Variants in ESRRG observed in about 807,000 individuals in gnomAD.
The protein encoded by ESRRG is estrogen related receptor gamma, also known as estrogen-related receptor gamma.
Under a neutral mutation model 44.0 loss-of-function variants are expected in ESRRG, and 13 were observed. The ratio of observed to expected loss-of-function variants is 0.30; its 90% CI spans 0.19 to 0.47. The LOEUF (loss-of-function observed/expected upper bound fraction) is 0.47, where lower values mean the gene tolerates loss of function less well. ESRRG is among the 20% of genes least tolerant of loss of function. The pLI, the probability that ESRRG is intolerant of heterozygous loss-of-function variation, is 1.00. For missense variants in ESRRG, 395 were observed against 580.6 expected (o/e 0.68, Z 3.29); for synonymous variants, 215 against 214.6 (o/e 1.00, Z -0.02).
At chr1:217,118,568 T>C (rs1468373223) in intron 1 of ESRRG, among the ~76,000 whole-genome samples, 1 of 152,190 alleles carries the variant, frequency 6.6e-6, no homozygotes. Flanking sequence ...AAAGGGATTA[T>C]ACAATCTTAC....
chr1:216,879,128 A>C (rs1465947391), intron 2 of ESRRG, among the ~76,000 whole-genome samples: 1 of 152,188 alleles, frequency 6.6e-6, no homozygotes, highest in Non-Finnish European at 1.5e-5. Flanking sequence ...GTGAACATAT[A>C]GCTATTGAAA....
intron 2 of ESRRG, among the ~76,000 whole-genome samples, chr1:216,906,020 G>A (rs753789242): frequency 6.6e-6 from 1 of 152,190 alleles, no homozygotes; most frequent in Non-Finnish European, 1.5e-5. Context: ...CAAAGTGCTG[G>A]GATTACAGGC....
chr1:217,060,058 G>A (rs1009543384), intron 1 of ESRRG, among the ~76,000 whole-genome samples: 2 of 151,828 alleles, frequency 1.3e-5, no homozygotes, highest in Non-Finnish European at 1.5e-5. Context: ...AAGGGGTTTT[G>A]GGGGTGGCAA....
intron 1 of ESRRG, among the ~76,000 whole-genome samples, chr1:217,000,069 T>G (rs562808502): frequency 6.6e-6 from 1 of 152,346 alleles, no homozygotes; most frequent in East Asian, 1.9e-4. Context: ...ATTTCATACA[T>G]CTTTGCTTAT....
intron 1 of ESRRG, among the ~76,000 whole-genome samples, chr1:217,041,694 A>G (rs1331545385): frequency 6.6e-6 from 1 of 152,204 alleles, no homozygotes; most frequent in South Asian, 2.1e-4. Flanking sequence ...CAGAGAGTAA[A>G]CAGGCATCTG....
chr1:216,767,800 G>A (rs1453129456), intron 2 of ESRRG, among the ~76,000 whole-genome samples: 4 of 152,112 alleles, frequency 2.6e-5, no homozygotes, highest in Non-Finnish European at 4.4e-5. Flanking sequence ...GAGATGTGGG[G>A]ACAAAATGGG....
At chr1:216,742,089 T>C (rs1479268541) in intron 2 of ESRRG, among the ~76,000 whole-genome samples, 2 of 152,168 alleles carry the variant, frequency 1.3e-5, no homozygotes, top group Non-Finnish European at 2.9e-5. Context: ...CAAACCCTCT[T>C]TCCTGGCAAG....
chr1:216,693,095 C>A (rs1559258870), intron 1 of ESRRG, among the ~76,000 whole-genome samples: 1 of 152,222 alleles, frequency 6.6e-6, no homozygotes, highest in Non-Finnish European at 1.5e-5. Flanking sequence ...AACTTCCTTG[C>A]CCTTGGCAAC....
intron 1 of ESRRG, among the ~76,000 whole-genome samples, chr1:217,084,846 G>A (rs75059875): frequency 0.021 from 3,238 of 152,142 alleles, 66 homozygotes; most frequent in Non-Finnish European, 0.032. Flanking sequence ...TTTTTTGTGT[G>A]TGTGATAACT....
At chr1:216,634,035 A>G (rs1008917512) in intron 3 of ESRRG, among the ~76,000 whole-genome samples, 9 of 152,212 alleles carry the variant, frequency 5.9e-5, no homozygotes, top group African/African-American at 2.2e-4. Flanking sequence ...AACAGAAGGT[A>G]TTAGCCAGCA....
At chr1:216,539,990 A>T (rs930977360) in intron 5 of ESRRG, among the ~76,000 whole-genome samples, 7 of 152,010 alleles carry the variant, frequency 4.6e-5, no homozygotes, top group African/African-American at 7.2e-5. Flanking sequence ...GTGAAAAATT[A>T]AAAAAATCAT....
At chr1:217,074,431 G>T (rs1580415898) in intron 1 of ESRRG, among the ~76,000 whole-genome samples, 1 of 124,478 alleles carries the variant, frequency 8.0e-6, no homozygotes, top group South Asian at 2.9e-4. Context: ...AATACCCACA[G>T]TATCAGAAAT....
At chr1:216,868,556 A>G (rs2096210724) in intron 2 of ESRRG, among the ~76,000 whole-genome samples, 1 of 152,092 alleles carries the variant, frequency 6.6e-6, no homozygotes, top group Non-Finnish European at 1.5e-5. Flanking sequence ...GTGATCATCC[A>G]TTTTTTATTT....
At chr1:216,844,763 A>ATG (rs35416075) in intron 2 of ESRRG, among the ~76,000 whole-genome samples, 5,686 of 150,638 alleles carry the variant, frequency 0.038, 343 homozygotes, top group African/African-American at 0.13. Context: ...GCATTCGTGC[A>ATG]TGTGTGTGTG....
intron 2 of ESRRG, among the ~76,000 whole-genome samples, chr1:216,670,780 C>T (rs1167311954): frequency 1.3e-5 from 2 of 152,102 alleles, no homozygotes; most frequent in Non-Finnish European, 2.9e-5. Flanking sequence ...AGGGTGTCCA[C>T]ACTATGTACA....
chr1:216,573,708 T>A (rs932957944), intron 3 of ESRRG, among the ~76,000 whole-genome samples: 2 of 151,878 alleles, frequency 1.3e-5, no homozygotes, highest in East Asian at 3.9e-4. Context: ...ACTAATAATA[T>A]TATTTAGATT....
At chr1:217,045,815 T>C (rs2084778551) in intron 1 of ESRRG, among the ~76,000 whole-genome samples, 1 of 152,208 alleles carries the variant, frequency 6.6e-6, no homozygotes, top group African/African-American at 2.4e-5. Context: ...CTTGGGCGCT[T>C]TCCCTCAGAG....
intron 1 of ESRRG, among the ~76,000 whole-genome samples, chr1:217,130,534 C>T (rs186541413): frequency 6.6e-6 from 1 of 152,224 alleles, no homozygotes; most frequent in East Asian, 1.9e-4. Flanking sequence ...CTGCACTGGT[C>T]CCGAAATGTC....
At chr1:216,840,701 G>A (rs1441056526) in intron 2 of ESRRG, among the ~76,000 whole-genome samples, 2 of 152,024 alleles carry the variant, frequency 1.3e-5, no homozygotes, top group African/African-American at 4.8e-5. Flanking sequence ...GTTACTAATT[G>A]GCCTGATTTT....
Sources: allele counts gnomAD v4.1 joint callset (sites outside exome capture counted in the v4.1 genomes callset), GRCh38; gene constraint gnomAD v4.1.1; transcripts MANE v1.5; gene names NCBI Gene and HGNC (gene_info 2026-07-23, HGNC 2026-07-21).